The following CACNA1E variants were observed in gnomAD, a reference collection of about 807,000 sequenced individuals.
CACNA1E encodes calcium voltage-gated channel subunit alpha1 E.
A neutral mutation model predicts 259.2 loss-of-function variants in CACNA1E; 40 were observed. That is an observed-to-expected ratio of 0.15 (90% CI 0.12 to 0.20). CACNA1E has a LOEUF of 0.20. Among genes scored for constraint, CACNA1E ranks in the 10% least tolerant of loss-of-function variants. CACNA1E has a pLI of 1.00. For synonymous variants in CACNA1E, 1,104 were observed against 1,138.5 expected, an observed-to-expected ratio of 0.97 and a Z score of 0.61; for missense variants, 1,874 against 3,040.1, an observed-to-expected ratio of 0.62 and a Z score of 9.02.
chr1:181,581,864 G>A (rs978086332), intron 6 of CACNA1E, among the ~76,000 whole-genome samples: 11 of 152,092 alleles, frequency 7.2e-5, no homozygotes, highest in Admixed American at 6.5e-4. Flanking sequence ...TTAAGGTGCC[G>A]TCTGTTTCCT....
At chr1:181,436,596 AT>A (rs1166981182) in intron 2 of CACNA1E, among the ~76,000 whole-genome samples, 1 of 152,240 alleles carries the variant, frequency 6.6e-6, no homozygotes, top group Non-Finnish European at 1.5e-5. Context: ...GCTAAGTGAA[AT>A]AAACAGGCAC....
rs1303564798 is a variant in CACNA1E at position 181,601,943 on chromosome 1, G to T, written c.951+21167G>T. Among the ~76,000 whole-genome samples, 4 of 152,200 alleles carry T rather than the reference G, an allele frequency of 2.6e-5. No homozygotes were observed. The South Asian group carries it at 8.3e-4, about 32-fold the overall frequency. On this transcript the variant is annotated intron_variant, in intron 6 of 47. Transcript: ENST00000367573. ...CCCTCTTGCTGCAGATGACATGTTG[G>T]GCATGCTTCTGCCTTGGATGGAACC...
chr1:181,677,458 A>G (rs1649492396), intron 7 of CACNA1E, among the ~76,000 whole-genome samples: 1 of 152,204 alleles, frequency 6.6e-6, no homozygotes, highest in Admixed American at 6.5e-5. Flanking sequence ...CCTTCAAGAC[A>G]TCCAGCAATT....
At chr1:181,526,454 A>G (rs975651454) in intron 3 of CACNA1E, among the ~76,000 whole-genome samples, 9 of 151,982 alleles carry the variant, frequency 5.9e-5, no homozygotes, top group African/African-American at 2.2e-4. Context: ...TTAATTAACA[A>G]AAGTGAAAGG....
intron 1 of CACNA1E, among the ~76,000 whole-genome samples, chr1:181,323,165 T>C (rs1650502109): frequency 6.6e-6 from 1 of 152,180 alleles, no homozygotes; most frequent in Admixed American, 6.5e-5. Flanking sequence ...CCTTTTGGGG[T>C]TCCTTCCCCT....
At chr1:181,332,489 T>C (rs1447281470) in intron 1 of CACNA1E, among the ~76,000 whole-genome samples, 1 of 152,254 alleles carries the variant, frequency 6.6e-6, no homozygotes, top group African/African-American at 2.4e-5. Context: ...TAATATCAAC[T>C]ATTACATGGG....
intron 6 of CACNA1E, among the ~76,000 whole-genome samples, chr1:181,635,406 C>T (rs1657118029): frequency 1.3e-5 from 2 of 152,168 alleles, no homozygotes; most frequent in Non-Finnish European, 2.9e-5. Context: ...CCCTCTCCAT[C>T]TCTCCCCACA....
At chr1:181,701,009 A>T (rs1652195577) in intron 7 of CACNA1E, among the ~76,000 whole-genome samples, 1 of 152,228 alleles carries the variant, frequency 6.6e-6, no homozygotes, top group Non-Finnish European at 1.5e-5. Context: ...CCCAAAGCAT[A>T]TAAAAGGACT....
intron 5 of CACNA1E, 93 bp downstream of exon 5, chr1:181,579,317 T>G (rs1249483901): frequency 7.0e-6 from 7 of 1,002,358 alleles, no homozygotes; most frequent in Middle Eastern, 2.2e-4. Flanking sequence ...TGGAAAAGTA[T>G]GTCCTATTCT....
chr1:181,457,916 G>A (rs1661562707), intron 2 of CACNA1E, among the ~76,000 whole-genome samples: 1 of 152,222 alleles, frequency 6.6e-6, no homozygotes, highest in African/African-American at 2.4e-5. Flanking sequence ...GGACAGGTGG[G>A]AGATGGGGCA....
At chr1:181,603,575 C>T (rs976134618) in intron 6 of CACNA1E, among the ~76,000 whole-genome samples, 1 of 151,948 alleles carries the variant, frequency 6.6e-6, no homozygotes, top group African/African-American at 2.4e-5. Flanking sequence ...CCGCCAACAC[C>T]CCAACACTGC....
At chr1:181,336,399 G>A (rs1490723829) in intron 1 of CACNA1E, among the ~76,000 whole-genome samples, 1 of 152,190 alleles carries the variant, frequency 6.6e-6, no homozygotes, top group East Asian at 1.9e-4. Context: ...ACTGTTTTGT[G>A]GATGATGAAA....
chr1:181,784,544 A>G (rs1660701604), intron 40 of CACNA1E, 117 bp from the exon 41 acceptor site: 1 of 652,580 alleles, frequency 1.5e-6, no homozygotes, highest in Non-Finnish European at 2.6e-6. Flanking sequence ...ACTCAGTGCC[A>G]AGATTTCCTC....
At chr1:181,770,880 T>C (rs957653541) in intron 35 of CACNA1E, among the ~76,000 whole-genome samples, 2 of 152,202 alleles carry the variant, frequency 1.3e-5, no homozygotes. Context: ...GCTCCCATCA[T>C]GACTACCTGA....
chr1:181,418,759 C>A (rs1296104497), intron 2 of CACNA1E, among the ~76,000 whole-genome samples: 2 of 151,960 alleles, frequency 1.3e-5, no homozygotes, highest in Non-Finnish European at 2.9e-5. Flanking sequence ...CCCAGTGTCT[C>A]CCCCCTCAAA....
intron 3 of CACNA1E, among the ~76,000 whole-genome samples, chr1:181,563,576 A>G (rs544028702): frequency 1.9e-4 from 29 of 152,170 alleles, no homozygotes; most frequent in Non-Finnish European, 3.2e-4. Flanking sequence ...GTTTGATGTC[A>G]TGAGAAGAGG....
intron 6 of CACNA1E, among the ~76,000 whole-genome samples, chr1:181,581,802 A>C (rs1009062170): frequency 6.6e-6 from 1 of 152,150 alleles, no homozygotes; most frequent in East Asian, 1.9e-4. Context: ...CCAAAACAGT[A>C]ACTTTGGAAT....
intron 7 of CACNA1E, among the ~76,000 whole-genome samples, chr1:181,657,804 GTTTAT>G (rs1202783229): frequency 6.6e-6 from 1 of 152,184 alleles, no homozygotes; most frequent in Admixed American, 6.5e-5. Context: ...CTTTAATAAT[GTTTAT>G]TTTGAGTGGA....
chr1:181,651,313 A>G, intron 6 of CACNA1E, 25 bp from the exon 7 acceptor site: 1 of 1,486,210 alleles, frequency 6.7e-7, no homozygotes, highest in Non-Finnish European at 9.4e-7. Context: ...TTTAAGTATT[A>G]AGGAACCATT....
Sources: gnomAD v4.1 joint callset for allele counts (sites outside exome capture counted in the v4.1 genomes callset) on GRCh38, gnomAD v4.1.1 for gene constraint, MANE v1.5 for transcripts, NCBI Gene and HGNC (gene_info 2026-07-23, HGNC 2026-07-21) for gene names.